DSE: variants seen among roughly 807,000 people sequenced by gnomAD.
DSE encodes the protein dermatan sulfate epimerase.
In DSE, 36 loss-of-function variants were observed where a neutral mutation model predicts 84.4. That is an observed-to-expected ratio of 0.43 (90% CI 0.33 to 0.56). The LOEUF (loss-of-function observed/expected upper bound fraction) is 0.56. Ranked by LOEUF, DSE falls within the 20% of genes least tolerant of loss-of-function variation. DSE has a pLI of 0.06. For synonymous variants in DSE, 410 were observed against 430.1 expected (o/e 0.95, Z 0.58); for missense variants, 862 against 1,169.6 (o/e 0.74, Z 3.84).
At chr6:116,317,232 T>C (rs1409248847) in intron 2 of DSE, among the ~76,000 whole-genome samples, 1 of 152,226 alleles carries the variant, frequency 6.6e-6, no homozygotes, top group African/African-American at 2.4e-5. Context: ...ATTTCTGTTG[T>C]ACAGTCATTG....
chr6:116,283,749 G>C (rs1415172039), intron 2 of DSE, among the ~76,000 whole-genome samples: 1 of 152,094 alleles, frequency 6.6e-6, no homozygotes, highest in Non-Finnish European at 1.5e-5. Flanking sequence ...TCCCCACGTT[G>C]GTCAGGCTGG....
chr6:116,341,744 C>A (rs1777609029), intron 2 of DSE, among the ~76,000 whole-genome samples: 1 of 152,172 alleles, frequency 6.6e-6, no homozygotes, highest in Admixed American at 6.5e-5. Context: ...ATTTATGAAA[C>A]AGGGAATCCT....
chr6:116,420,003 G>A (rs1265083710), intron 2 of DSE, among the ~76,000 whole-genome samples: 1 of 152,142 alleles, frequency 6.6e-6, no homozygotes, highest in African/African-American at 2.4e-5. Flanking sequence ...GTGATCTTTG[G>A]AGCATAGCTA....
intron 2 of DSE, among the ~76,000 whole-genome samples, chr6:116,326,457 G>T (rs879937107): frequency 6.6e-6 from 1 of 152,080 alleles, no homozygotes; most frequent in Non-Finnish European, 1.5e-5. Flanking sequence ...ACCTCCTTAG[G>T]GTATCTTGCT....
At chr6:116,400,986 TTTTG>T (rs1164684371) in intron 2 of DSE, 1 of 152,156 alleles carries the variant, frequency 6.6e-6, no homozygotes, top group Non-Finnish European at 1.5e-5. Flanking sequence ...TTAAAGTCCT[TTTTG>T]TTTTAGATAA....
At chr6:116,424,735 A>T (rs1433436833) in intron 2 of DSE, among the ~76,000 whole-genome samples, 2 of 152,250 alleles carry the variant, frequency 1.3e-5, no homozygotes, top group Non-Finnish European at 2.9e-5. Flanking sequence ...AAGGGAAAAA[A>T]GAAAAGGGGA....
intron 1 of DSE, among the ~76,000 whole-genome samples, chr6:116,391,525 G>A (rs510114): frequency 0.16 from 25,061 of 152,022 alleles, 2,326 homozygotes; most frequent in African/African-American, 0.26. Context: ...CCAGCACTTA[G>A]GGAGGCTGAG....
chr6:116,377,832 TTTA>T (rs1780015993), intron 1 of DSE, among the ~76,000 whole-genome samples: 1 of 152,194 alleles, frequency 6.6e-6, no homozygotes, highest in African/African-American at 2.4e-5. Context: ...TGACTAAACT[TTTA>T]TTCTTGAAGC....
At chr6:116,373,510 A>G (rs1183099697) in intron 1 of DSE, among the ~76,000 whole-genome samples, 1 of 152,210 alleles carries the variant, frequency 6.6e-6, no homozygotes, top group African/African-American at 2.4e-5. Context: ...TGAGACATCA[A>G]CTAGGTTTGC....
intron 1 of DSE, among the ~76,000 whole-genome samples, chr6:116,374,798 A>G (rs1011115787): frequency 6.6e-6 from 1 of 152,012 alleles, no homozygotes; most frequent in Non-Finnish European, 1.5e-5. Flanking sequence ...GAATCCATTA[A>G]CCTATTAATC....
At chr6:116,382,069 G>GTGTGTGTGTGTC (rs777117496) in intron 1 of DSE, among the ~76,000 whole-genome samples, 1 of 151,222 alleles carries the variant, frequency 6.6e-6, no homozygotes, top group Non-Finnish European at 1.5e-5. Context: ...GTGTGTGTGT[G>GTGTGTGTGTGTC]TGTCTCCAAA....
At chr6:116,350,827 C>CT in intron 2 of DSE, among the ~76,000 whole-genome samples, 1 of 151,714 alleles carries the variant, frequency 6.6e-6, no homozygotes, top group Non-Finnish European at 1.5e-5. Context: ...AAAAAAATAG[C>CT]TTTTGGGTCT....
chr6:116,358,050 A>G (rs1238778377), intron 2 of DSE, among the ~76,000 whole-genome samples: 2 of 152,218 alleles, frequency 1.3e-5, no homozygotes, highest in African/African-American at 4.8e-5. Context: ...AGGTCACAGA[A>G]ATACTTTCAA....
intron 1 of DSE, among the ~76,000 whole-genome samples, chr6:116,387,308 G>A (rs1780635696): frequency 6.6e-6 from 1 of 152,152 alleles, no homozygotes; most frequent in African/African-American, 2.4e-5. Context: ...GGAAAAAAAA[G>A]CATGACTTTG....
chr6:116,422,475 G>A (rs1783157284), intron 2 of DSE, among the ~76,000 whole-genome samples: 1 of 152,158 alleles, frequency 6.6e-6, no homozygotes, highest in African/African-American at 2.4e-5. Flanking sequence ...ATGTAAAAAT[G>A]TTTCATGAAA....
intron 2 of DSE, among the ~76,000 whole-genome samples, chr6:116,421,016 CT>C (rs1274308189): frequency 6.6e-6 from 1 of 152,168 alleles, no homozygotes; most frequent in African/African-American, 2.4e-5. Flanking sequence ...ATTAATGAGA[CT>C]GCTCAACTTT....
At chr6:116,339,131 T>C (rs1387153107) in intron 2 of DSE, among the ~76,000 whole-genome samples, 1 of 152,208 alleles carries the variant, frequency 6.6e-6, no homozygotes, top group Non-Finnish European at 1.5e-5. Context: ...TCCACCCCAG[T>C]CCTGTCCGTC....
intron 2 of DSE, among the ~76,000 whole-genome samples, chr6:116,284,225 G>T (rs952473419): frequency 6.6e-6 from 1 of 152,174 alleles, no homozygotes; most frequent in Non-Finnish European, 1.5e-5. Flanking sequence ...TTGCAGAAAG[G>T]TAGGTTTTAT....
At chr6:116,272,540 A>G (rs1772926413) in intron 2 of DSE, among the ~76,000 whole-genome samples, 1 of 152,232 alleles carries the variant, frequency 6.6e-6, no homozygotes, top group Non-Finnish European at 1.5e-5. Context: ...CTGAAACTCT[A>G]CGATATACCA....
Sources: gnomAD v4.1 joint callset for allele counts (sites outside exome capture counted in the v4.1 genomes callset) on GRCh38, gnomAD v4.1.1 for gene constraint, MANE v1.5 for transcripts, NCBI Gene and HGNC (gene_info 2026-07-23, HGNC 2026-07-21) for gene names.